TMEM236: variants seen among roughly 807,000 people sequenced by gnomAD.
The protein encoded by TMEM236 is family with sequence similarity 23, member A.
A neutral mutation model predicts 14.7 loss-of-function variants in TMEM236; 11 were observed. That is an observed-to-expected ratio of 0.75 (90% CI 0.47 to 1.24). The LOEUF is 1.24. Ranked by LOEUF, TMEM236 falls within the 50% of genes most tolerant of loss-of-function variation. TMEM236 has a pLI of 0.00. For missense variants in TMEM236, 464 were observed against 427.3 expected (o/e 1.09, Z -0.76); for synonymous variants, 182 against 168.6 (o/e 1.08, Z -0.62).
At chr10:17,789,371 C>A (rs895605557) in intron 3 of TMEM236, among the ~76,000 whole-genome samples, 2 of 152,206 alleles carry the variant, frequency 1.3e-5, no homozygotes, top group Non-Finnish European at 2.9e-5. Flanking sequence ...CTAATATATT[C>A]TATTCTGTCC....
At chr10:17,759,794 C>G (rs1056904610) in intron 1 of TMEM236, among the ~76,000 whole-genome samples, 28 of 151,914 alleles carry the variant, frequency 1.8e-4, no homozygotes, top group Admixed American at 1.2e-3. Flanking sequence ...TCCTGGCTAA[C>G]ACGGTGAAAC....
At position 17,776,195 on chromosome 10, in the gene TMEM236, A is replaced by G. The variant is rs1235778733; in HGVS notation, c.472+25A>G. On this transcript the variant is annotated intron_variant, in intron 3 of 3. Coordinates refer to ENST00000377495, the MANE Select transcript of TMEM236 (RefSeq NM_001098844.3). The stretch of plus-strand genomic sequence containing the variant: ...AGTAAGTGTTCTTTTAAATGTGAAT[A>G]TTTTTTAAAGTTTGATATATTTTTC... 6.9e-6 allele frequency: 11 copies of G among 1,600,898 alleles called. No homozygotes were observed. The Admixed American group carries it at 1.2e-4, about 17-fold the overall frequency.
At chr10:17,768,786 T>A (rs1344654216) in intron 1 of TMEM236, among the ~76,000 whole-genome samples, 1 of 150,706 alleles carries the variant, frequency 6.6e-6, no homozygotes, top group Non-Finnish European at 1.5e-5. Flanking sequence ...CTATACTATA[T>A]ATGAGAGTAG....
intron 3 of TMEM236, among the ~76,000 whole-genome samples, chr10:17,779,142 A>G (rs955886382): frequency 0.02 from 3,016 of 152,200 alleles, 86 homozygotes; most frequent in African/African-American, 0.068. Context: ...TAATGCTTCC[A>G]TTTGAATTTT....
chr10:17,752,565 ATT>A lies in TMEM236; in HGVS notation c.257+16_257+17del. The A allele has an allele frequency of 6.2e-7, 1 of 1,612,496 alleles. No individual in the cohort carries two copies. Among genetic ancestry groups the A allele is most frequent in the Non-Finnish European group, 8.5e-7 (1 of 1,178,806 alleles). ...AAATTAAAGGATGGTAAGTAAAAGA[ATT>A]TTCTTTTTTTTCTTTTTGATTTGGA... On this transcript the variant is annotated intron_variant, in intron 1 of 3. Transcript: ENST00000377495.
Position 17,752,289 on chromosome 10 carries a change from C to T in TMEM236, c.-7C>T, listed in dbSNP as rs2131736696. On this transcript the variant is annotated 5_prime_UTR_variant, in exon 1 of 4. Coordinates refer to ENST00000377495, the MANE Select transcript of TMEM236 (RefSeq NM_001098844.3). ...CCCAGGTTCTTGGCAGCTTGCTTTT[C>T]CTCAGGATGGCTTCTGGAAGGCTCA... The T allele has an allele frequency of 4.3e-6, 7 of 1,613,930 alleles. No homozygotes were observed. The East Asian group carries it at 1.6e-4, about 36-fold the overall frequency.
chr10:17,798,377 A>T lies in TMEM236; in HGVS notation c.*1873A>T. 1 of 359,106 alleles carries T rather than the reference A, an allele frequency of 2.8e-6. No homozygotes were observed. Among genetic ancestry groups the T allele is most frequent in the Non-Finnish European group, 5.4e-6 (1 of 183,666 alleles). The allele number at this position is 359,106 out of a possible 1,614,324, so 22.2% of individuals were successfully genotyped here. On this transcript the variant is annotated 3_prime_UTR_variant, in exon 4 of 4. Coordinates refer to ENST00000377495, the MANE Select transcript of TMEM236 (RefSeq NM_001098844.3). Reference sequence around the variant, plus strand: ...AACATGGAGAGATTCTACCTCTACAAAAAATACAAAAATTAGCTGGGCATG... The same window carrying T: ...AACATGGAGAGATTCTACCTCTACATAAAATACAAAAATTAGCTGGGCATG...
intron 3 of TMEM236, among the ~76,000 whole-genome samples, chr10:17,778,840 T>G (rs1222403823): frequency 6.6e-6 from 1 of 152,230 alleles, no homozygotes; most frequent in South Asian, 2.1e-4. Context: ...GTTATTCTGC[T>G]GACAAAATAT....
At chr10:17,760,435 T>A (rs1837346330) in intron 1 of TMEM236, among the ~76,000 whole-genome samples, 1 of 152,132 alleles carries the variant, frequency 6.6e-6, no homozygotes, top group Non-Finnish European at 1.5e-5. Context: ...ACAATAAGTA[T>A]GTTGAATTTG....
At chr10:17,768,040 A>G (rs1589143154) in intron 1 of TMEM236, among the ~76,000 whole-genome samples, 1 of 146,568 alleles carries the variant, frequency 6.8e-6, no homozygotes, top group African/African-American at 2.6e-5. Context: ...CCTCCCAAGT[A>G]GCTGCGACTA....
intron 2 of TMEM236, among the ~76,000 whole-genome samples, chr10:17,775,273 T>C (rs2131752544): frequency 6.6e-6 from 1 of 152,116 alleles, no homozygotes; most frequent in African/African-American, 2.4e-5. Flanking sequence ...TTGTGGTTTG[T>C]TTTTGTTTCT....
At chr10:17,758,204 A>G (rs1837309824) in intron 1 of TMEM236, among the ~76,000 whole-genome samples, 1 of 152,244 alleles carries the variant, frequency 6.6e-6, no homozygotes, top group Non-Finnish European at 1.5e-5. Flanking sequence ...AATTGCTACT[A>G]GACAAAGTAA....
rs1293772603 is a variant in TMEM236 at position 17,770,423 on chromosome 10, G to A, written c.258-886G>A. ...TTTTGAGACAGAGTCTCGCTCTGTC[G>A]CCCAGGCTGGAGTGCAGTGGCACAG... On this transcript the variant is annotated intron_variant, in intron 1 of 3. Transcript: ENST00000377495. Among the ~76,000 whole-genome samples, 6 of 151,662 alleles carry A rather than the reference G, an allele frequency of 4.0e-5. No individual in the cohort carries two copies. The South Asian group carries it at 6.3e-4, about 16-fold the overall frequency.
chr10:17,777,735 G>T (rs1402676845), intron 3 of TMEM236, among the ~76,000 whole-genome samples: 7 of 151,970 alleles, frequency 4.6e-5, no homozygotes, highest in Admixed American at 3.9e-4. Context: ...TGTTAGTGAT[G>T]AGTTGTTTTT....
Position 17,796,462 on chromosome 10 carries a change from C to T in TMEM236, c.1014C>T (p.Thr338=). The T allele has an allele frequency of 6.2e-7, 1 of 1,613,676 alleles. No individual in the cohort carries two copies. The highest frequency in any genetic ancestry group is 1.1e-5 in the South Asian group (1 of 91,058). Residue 338 remains threonine, a synonymous_variant, in exon 4 of 4, where the codon ACC becomes ACT. Transcript: ENST00000377495. Reference sequence around the variant, plus strand: ...CTTACATTTACTTCAATTACCTAACCAGAATCAGGATTTTTTCTGCCTTTG... The same window carrying T: ...CTTACATTTACTTCAATTACCTAACTAGAATCAGGATTTTTTCTGCCTTTG... The part of the protein sequence containing the change: ...TLSYIYFNYL[T]RIRIFSAFEM...
Position 17,798,628 on chromosome 10 carries a change from T to C in TMEM236, c.*2124T>C, listed in dbSNP as rs1330198905. On this transcript the variant is annotated 3_prime_UTR_variant, in exon 4 of 4. Coordinates refer to ENST00000377495, the MANE Select transcript of TMEM236 (RefSeq NM_001098844.3). ...ACCCTGTCTCCCTTTCCCTCTGTTT[T>C]AGGATTTTTCTCACACTGTAAAAGA... is the stretch of plus-strand genomic sequence containing the variant. The C allele has an allele frequency of 1.9e-6, 1 of 529,126 alleles. No homozygotes were observed. Among genetic ancestry groups the C allele is most frequent in the African/African-American group, 1.9e-5 (1 of 51,548 alleles). 32.8% of individuals were successfully genotyped at this position (529,126 alleles called of 1,614,324 possible).
intron 3 of TMEM236, among the ~76,000 whole-genome samples, chr10:17,793,591 C>G (rs973860275): frequency 6.0e-4 from 92 of 152,320 alleles, no homozygotes; most frequent in African/African-American, 2.1e-3. Context: ...TCAAGCAATT[C>G]TCATGCCTCA....
chr10:17,771,984 A>T (rs879975666), intron 2 of TMEM236, among the ~76,000 whole-genome samples: 12,887 of 152,272 alleles, frequency 0.085, 589 homozygotes, highest in Non-Finnish European at 0.1. Context: ...GGTGCTGTGG[A>T]AGATAACTTT....
rs1017459601 is a variant in TMEM236 at position 17,792,643 on chromosome 10, C to A, written c.473-3278C>A. ...CTTGGTCATTTAGCTTACACAGTGACGACCAAAAGTCGTTTCAGCAACTAG... is the reference window on the plus strand; with the variant it reads ...CTTGGTCATTTAGCTTACACAGTGAAGACCAAAAGTCGTTTCAGCAACTAG... On this transcript the variant is annotated intron_variant, in intron 3 of 3. Transcript: ENST00000377495. Among the ~76,000 whole-genome samples the A allele has an allele frequency of 3.9e-5, 6 of 152,278 alleles. No homozygotes were observed. In the East Asian group the frequency reaches 9.6e-4, roughly 24 times the overall value.
Sources: allele counts gnomAD v4.1 joint callset (sites outside exome capture counted in the v4.1 genomes callset), GRCh38; gene constraint gnomAD v4.1.1; transcripts MANE v1.5; gene names NCBI Gene and HGNC (gene_info 2026-07-23, HGNC 2026-07-21).